The following IL17RA variants were observed in gnomAD, a reference collection of about 807,000 sequenced individuals.
The protein encoded by IL17RA is interleukin-17 receptor A.
In IL17RA, 34 loss-of-function variants were observed where a neutral mutation model predicts 50.4. The ratio of observed to expected loss-of-function variants is 0.67; its 90% CI spans 0.51 to 0.90. The LOEUF is 0.90. Among genes scored for constraint, IL17RA ranks in the 40% least tolerant of loss-of-function variants. The pLI is 0.00. For missense variants in IL17RA, 1,276 were observed against 1,169.8 expected (o/e 1.09, Z -1.32); for synonymous variants, 585 against 510.4 (o/e 1.15, Z -1.97).
At chr22:17,091,818 C>T (rs1181815039) in intron 1 of IL17RA, among the ~76,000 whole-genome samples, 1 of 151,974 alleles carries the variant, frequency 6.6e-6, no homozygotes, top group Non-Finnish European at 1.5e-5. Flanking sequence ...TCTGGGTCTT[C>T]GTTGTTGTTT....
chr22:17,105,926 C>T lies in IL17RA; in HGVS notation c.1017C>T (p.Leu339=), dbSNP rs772737250. 6 of 1,614,174 alleles carry T rather than the reference C, an allele frequency of 3.7e-6. No individual in the cohort carries two copies. Among genetic ancestry groups the T allele is most frequent in the South Asian group, 1.1e-5 (1 of 91,086 alleles). ...SILLVGSVIL[L]IVCMTWRLAG... ...TGCTGGTGGGCTCCGTCATCCTGCTCATCGTCTGCATGACCTGGAGGCTAG... is the reference window on the plus strand; with the variant it reads ...TGCTGGTGGGCTCCGTCATCCTGCTTATCGTCTGCATGACCTGGAGGCTAG... Residue 339 remains leucine (L), a synonymous_variant, in exon 11 of 13, where the codon CTC becomes CTT. Transcript: ENST00000319363.
intron 1 of IL17RA, among the ~76,000 whole-genome samples, chr22:17,090,809 A>G (rs529247875): frequency 6.6e-6 from 1 of 152,312 alleles, no homozygotes; most frequent in Admixed American, 6.5e-5. Context: ...CTTTGATTAT[A>G]TATTTTTTCT....
chr22:17,108,791 G>C lies in IL17RA; in HGVS notation c.1572G>C (p.Pro524=). 6.2e-7 allele frequency: 1 copy of C among 1,607,872 alleles called. No individual in the cohort carries two copies. Among genetic ancestry groups the C allele is most frequent in the South Asian group, 1.1e-5 (1 of 90,366 alleles). ...PDLFGAAPRY[P]LMDRFEEVYF... is the part of the protein sequence containing the mutation. ...TGTTCGGCGCGGCGCCGCGGTACCCGCTCATGGACAGGTTCGAGGAGGTGT... is the reference window on the plus strand; with the variant it reads ...TGTTCGGCGCGGCGCCGCGGTACCCCCTCATGGACAGGTTCGAGGAGGTGT... The change falls in exon 13 of 13, where the codon CCG becomes CCC. Residue 524 remains proline (P), a synonymous_variant. Coordinates refer to ENST00000319363, the MANE Select transcript of IL17RA (RefSeq NM_014339.7).
At position 17,104,726 on chromosome 22, in the gene IL17RA, A is replaced by G. The variant is rs886057202; in HGVS notation, c.847A>G (p.Ile283Val). The change falls in exon 9 of 13, where the codon ATC becomes GTC. Residue 283 changes from isoleucine (I) to valine (V), a missense_variant and splice_region_variant. Transcript: ENST00000319363. ...CTTTTCCTGCCCTCTCTGCCCGCAG[A>G]TCCAGCCCTTCTTCAGCAGCTGCCT... ...LKGCCRHQVQIQPFFSSCLND... is the reference protein window; with the variant it reads ...LKGCCRHQVQVQPFFSSCLND... The G allele has an allele frequency of 2.5e-6, 4 of 1,613,854 alleles. No homozygotes were observed. The highest frequency in any genetic ancestry group is 3.3e-5 in the Admixed American group (2 of 59,994).
chr22:17,095,385 G>A (rs1601339513), intron 1 of IL17RA, among the ~76,000 whole-genome samples: 1 of 152,258 alleles, frequency 6.6e-6, no homozygotes, highest in East Asian at 1.9e-4. Flanking sequence ...GGAATGAGAG[G>A]ACACCTGCCT....
chr22:17,105,889 G>T lies in IL17RA; in HGVS notation c.980G>T (p.Gly327Val). The T allele has an allele frequency of 7.4e-6, 12 of 1,614,142 alleles. No individual in the cohort carries two copies. The highest frequency in any genetic ancestry group is 1.3e-5 in the African/African-American group (1 of 75,058). Residue 327 changes from glycine (G) to valine (V), a missense_variant, in exon 11 of 13, where the codon GGC (glycine) becomes GTC (valine). Transcript: ENST00000319363. ...MPLWVYWFIT[G>V]ISILLVGSVI... ...CTGTGGGTGTACTGGTTCATCACGG[G>T]CATCTCCATCCTGCTGGTGGGCTCC...
Position 17,102,207 on chromosome 22 carries a change from C to G in IL17RA, c.667C>G (p.Leu223Val). 6.2e-7 allele frequency: 1 copy of G among 1,614,236 alleles called. No individual in the cohort carries two copies. Among genetic ancestry groups the G allele is most frequent in the South Asian group, 1.1e-5 (1 of 91,092 alleles). The change falls in exon 7 of 13, where the codon CTG becomes GTG. Residue 223 changes from leucine (L) to valine (V), a missense_variant. By Grantham distance (32) the Leu-to-Val change is conservative (BLOSUM62 1). Transcript: ENST00000319363. ...EAHQLRVSFT[L>V]WNESTHYQIL... ...CCACCAGCTGCGTGTGAGCTTCACC[C>G]TGTGGAACGAATCTACCCATTACCA...
In IL17RA at chr22:17,109,627, AG is replaced by A. The variant is rs769841240; in HGVS notation, c.2409del (p.Gln803HisfsTer34). 1.2e-6 allele frequency: 2 copies of A among 1,608,556 alleles called. No individual in the cohort carries two copies. Among genetic ancestry groups the A allele is most frequent in the Non-Finnish European group, 1.7e-6 (2 of 1,178,002 alleles). ...GGCTACATCTCCAGGAGCTCCCCGC[AG>A]CCCCCCGAGGGACTCACGGAAATGG... ...DQGYISRSSP[Q>X]PPEGLTEMEE... On this transcript the variant is annotated frameshift_variant, in exon 13 of 13. Coordinates refer to ENST00000319363, the MANE Select transcript of IL17RA (RefSeq NM_014339.7). LOFTEE classifies it low-confidence loss of function (END_TRUNC).
chr22:17,105,548 G>T, intron 9 of IL17RA, 43 bp from the exon 10 acceptor site: 1 of 1,601,120 alleles, frequency 6.2e-7, no homozygotes, highest in Non-Finnish European at 8.6e-7. Flanking sequence ...ACTGGGAAGG[G>T]TTAAGAATGC....
chr22:17,090,743 TAGTC>T (rs1402194586), intron 1 of IL17RA, among the ~76,000 whole-genome samples: 1 of 152,230 alleles, frequency 6.6e-6, no homozygotes, highest in Non-Finnish European at 1.5e-5. Flanking sequence ...GTTAAATTAA[TAGTC>T]AGCATTTATA....
intron 4 of IL17RA, among the ~76,000 whole-genome samples, chr22:17,100,149 A>C (rs960771468): frequency 6.6e-6 from 1 of 151,832 alleles, no homozygotes; most frequent in African/African-American, 2.4e-5. Flanking sequence ...TTTAAAAAAA[A>C]AAAAAAAAAA....
chr22:17,090,402 T>C (rs964565367), intron 1 of IL17RA, among the ~76,000 whole-genome samples: 1 of 152,254 alleles, frequency 6.6e-6, no homozygotes, highest in Non-Finnish European at 1.5e-5. Flanking sequence ...TTCAGTCCTT[T>C]CATTTGTTTG....
chr22:17,106,203 C>T (rs1248107419), intron 11 of IL17RA, among the ~76,000 whole-genome samples: 1 of 152,200 alleles, frequency 6.6e-6, no homozygotes, highest in Non-Finnish European at 1.5e-5. Context: ...TTATTAAAAT[C>T]AATAGTTTGG....
chr22:17,108,808 A>T lies in IL17RA; in HGVS notation c.1589A>T (p.Glu530Val). 1 of 1,607,524 alleles carries T rather than the reference A, an allele frequency of 6.2e-7. No individual in the cohort carries two copies. The highest frequency in any genetic ancestry group is 8.5e-7 in the Non-Finnish European group (1 of 1,177,154). ...CGGTACCCGCTCATGGACAGGTTCG[A>T]GGAGGTGTACTTCCGCATCCAGGAC... ...APRYPLMDRFEEVYFRIQDLE... is the reference protein window; with the variant it reads ...APRYPLMDRFVEVYFRIQDLE... The change falls in exon 13 of 13, where the codon GAG becomes GTG. Residue 530 changes from glutamate to valine, a missense_variant. Physicochemically the swap from Glu to Val is moderately radical, Grantham distance 121. Coordinates refer to ENST00000319363, the MANE Select transcript of IL17RA (RefSeq NM_014339.7).
chr22:17,093,746 G>T, intron 1 of IL17RA: 2 of 193,428 alleles, frequency 1.0e-5, no homozygotes, highest in South Asian at 2.2e-4. Flanking sequence ...ACACAGTATG[G>T]AACGTTCCTT....
intron 5 of IL17RA, 118 bp downstream of exon 5, chr22:17,100,599 T>TG: frequency 7.6e-7 from 1 of 1,322,920 alleles, no homozygotes; most frequent in Non-Finnish European, 1.1e-6. Flanking sequence ...TGCCAGCACC[T>TG]GGGACCCACA....
chr22:17,115,586 A>AG lies in IL17RA; in HGVS notation c.*5767dup. The AG allele has an allele frequency of 8.9e-6, 1 of 112,120 alleles. No individual in the cohort carries two copies. The highest frequency in any genetic ancestry group is 3.0e-4 in the South Asian group (1 of 3,334). The allele number at this position is 112,120 out of a possible 1,614,324, so 6.9% of individuals were successfully genotyped here. ...TGTAATACTGGCTGCCTCTGTGCTA[A>AG]GAAAAAAAAAAAATCACTGTGTGTT... On this transcript the variant is annotated 3_prime_UTR_variant, in exon 13 of 13. Transcript: ENST00000319363.
rs2061432758 is a variant in IL17RA, at chr22:17,109,746, C to T, written c.2527C>T (p.Leu843=). The part of the protein sequence containing the change: ...LESLRSLQRQ[L]LFRQLQKNSG... ...GAGCCTGAGGAGCCTCCAGCGGCAG[C>T]TGCTTTTCCGCCAGCTGCAGAAGAA... Residue 843 remains leucine, a synonymous_variant, in exon 13 of 13, where the codon CTG becomes TTG. Coordinates refer to ENST00000319363, the MANE Select transcript of IL17RA (RefSeq NM_014339.7). 1 of 1,561,252 alleles carries T rather than the reference C, an allele frequency of 6.4e-7. No homozygotes were observed. Among genetic ancestry groups the T allele is most frequent in the Non-Finnish European group, 8.7e-7 (1 of 1,153,144 alleles).
chr22:17,094,675 C>CTATATATATATATGTGTATATA lies in IL17RA; in HGVS notation c.139-2386_139-2385insATATATATATATGTGTATATAT, dbSNP rs1568917420. Among the ~76,000 whole-genome samples the CTATATATATATATGTGTATATA allele has an allele frequency of 5.7e-4, 28 of 49,330 alleles. 1 individual carries two copies. Among genetic ancestry groups the CTATATATATATATGTGTATATA allele is most frequent in the Non-Finnish European group, 7.3e-4 (19 of 25,856 alleles). 32.4% of individuals were successfully genotyped at this position (49,330 alleles called of 152,430 possible). A position where few individuals can be genotyped will look rare whatever the true frequency, so the allele number is the denominator to read the frequency against. On this transcript the variant is annotated intron_variant, in intron 1 of 12. Coordinates refer to ENST00000319363, the MANE Select transcript of IL17RA (RefSeq NM_014339.7). Reference sequence around the variant, plus strand: ...ACACACACTCTCTCTCTCTCTCTCTCTCTCTCTCTCTCTCTCTATATATAT... The same window carrying CTATATATATATATGTGTATATA: ...ACACACACTCTCTCTCTCTCTCTCTCTATATATATATATGTGTATATATCTCTCTCTCTCTCTCTATATATAT...
Sources: allele counts gnomAD v4.1 joint callset (sites outside exome capture counted in the v4.1 genomes callset), GRCh38; gene constraint gnomAD v4.1.1; transcripts MANE v1.5; gene names NCBI Gene and HGNC (gene_info 2026-07-23, HGNC 2026-07-21).